MACROD2: variants seen among roughly 807,000 people sequenced by gnomAD.
The protein encoded by MACROD2 is ADP-ribose glycohydrolase MACROD2.
In MACROD2, 36 loss-of-function variants were observed where a neutral mutation model predicts 70.4. That is an observed-to-expected ratio of 0.51 (90% CI 0.39 to 0.68). The LOEUF (loss-of-function observed/expected upper bound fraction) is 0.68, where lower values mean the gene tolerates loss of function less well. Among genes scored for constraint, MACROD2 ranks in the 30% least tolerant of loss-of-function variants. The probability of loss-of-function intolerance (pLI) is 0.00; values close to 1 mark genes in which losing one functional copy is unlikely to be tolerated. For missense variants in MACROD2, 496 were observed against 538.4 expected (o/e 0.92, Z 0.78); for synonymous variants, 172 against 178.8 (o/e 0.96, Z 0.30).
intron 10 of MACROD2, among the ~76,000 whole-genome samples, chr20:15,909,798 T>G (rs944241400): frequency 6.6e-6 from 1 of 151,996 alleles, no homozygotes; most frequent in Non-Finnish European, 1.5e-5. Context: ...GCTGGGATTA[T>G]AGGCGTGAGC....
At chr20:15,155,402 G>C (rs753898571) in intron 5 of MACROD2, among the ~76,000 whole-genome samples, 2 of 152,126 alleles carry the variant, frequency 1.3e-5, no homozygotes, top group Non-Finnish European at 2.9e-5. Flanking sequence ...CCACAGGCTT[G>C]GAGCATCCCT....
intron 3 of MACROD2, among the ~76,000 whole-genome samples, chr20:14,260,247 G>C (rs1055381147): frequency 2.6e-5 from 4 of 152,150 alleles, no homozygotes; most frequent in African/African-American, 9.7e-5. Flanking sequence ...ACATTTATTT[G>C]TGTATAGTGA....
intron 3 of MACROD2, among the ~76,000 whole-genome samples, chr20:14,310,107 A>G (rs902373138): frequency 2.0e-5 from 3 of 152,164 alleles, no homozygotes; most frequent in African/African-American, 2.4e-5. Flanking sequence ...TACTCAAACT[A>G]TAATTTGTTT....
chr20:15,124,687 T>A (rs1350201814), intron 5 of MACROD2, among the ~76,000 whole-genome samples: 2 of 152,252 alleles, frequency 1.3e-5, no homozygotes, highest in South Asian at 2.1e-4. Flanking sequence ...TTATAGCATA[T>A]GTTTTTATTT....
At chr20:15,347,903 C>A (rs538858737) in intron 6 of MACROD2, among the ~76,000 whole-genome samples, 1 of 152,136 alleles carries the variant, frequency 6.6e-6, no homozygotes. Flanking sequence ...GAATATACAA[C>A]ATATAGATTC....
chr20:15,285,192 T>G (rs1213873750), intron 6 of MACROD2, among the ~76,000 whole-genome samples: 2 of 152,172 alleles, frequency 1.3e-5, no homozygotes, highest in African/African-American at 4.8e-5. Context: ...TTCCTTTGGT[T>G]TAGATATTTT....
chr20:15,440,147 AC>A (rs2046477308), intron 7 of MACROD2, among the ~76,000 whole-genome samples: 1 of 151,866 alleles, frequency 6.6e-6, no homozygotes, highest in Non-Finnish European at 1.5e-5. Flanking sequence ...ACAGAAATCG[AC>A]TCCTGGCTGA....
intron 5 of MACROD2, among the ~76,000 whole-genome samples, chr20:15,167,957 A>T (rs927952719): frequency 2.6e-5 from 4 of 152,210 alleles, no homozygotes; most frequent in Non-Finnish European, 5.9e-5. Context: ...GGAATATGTA[A>T]AATTAGATAC....
chr20:15,298,271 G>A lies in MACROD2; in HGVS notation c.540+68210G>A, dbSNP rs186510310. ...GATCCTATGAGATAATGCATGTAAAGTGTATCTCCCTGGGCCTTGGGTTGT... is the reference window on the plus strand; with the variant it reads ...GATCCTATGAGATAATGCATGTAAAATGTATCTCCCTGGGCCTTGGGTTGT... On this transcript the variant is annotated intron_variant, in intron 6 of 17. Transcript: ENST00000684519. Among the ~76,000 whole-genome samples, 11 of 152,360 alleles carry A rather than the reference G, an allele frequency of 7.2e-5. No homozygotes were observed. In the East Asian group the frequency reaches 2.1e-3, roughly 29 times the overall value.
At chr20:15,344,456 T>C (rs2078142720) in intron 6 of MACROD2, among the ~76,000 whole-genome samples, 1 of 152,182 alleles carries the variant, frequency 6.6e-6, no homozygotes, top group Non-Finnish European at 1.5e-5. Flanking sequence ...ACTATGATTG[T>C]TAAAAGATGT....
chr20:14,888,578 T>C (rs2073710619), intron 5 of MACROD2: 2 of 152,182 alleles, frequency 1.3e-5, no homozygotes, highest in South Asian at 4.1e-4. Flanking sequence ...CAGAGGGACA[T>C]GCAACCCAAT....
At chr20:14,523,266 A>AG (rs1044999449) in intron 4 of MACROD2, 5 of 152,196 alleles carry the variant, frequency 3.3e-5, no homozygotes, top group African/African-American at 1.2e-4. Context: ...CAGCAGACAG[A>AG]GGGGCCCTGG....
intron 3 of MACROD2, among the ~76,000 whole-genome samples, chr20:14,170,659 A>G (rs2081212327): frequency 6.6e-6 from 1 of 152,086 alleles, no homozygotes; most frequent in Non-Finnish European, 1.5e-5. Context: ...ATTGAGTTGC[A>G]TATGTTAAAC....
intron 5 of MACROD2, among the ~76,000 whole-genome samples, chr20:14,838,582 A>T (rs549808505): frequency 6.6e-6 from 1 of 152,264 alleles, no homozygotes; most frequent in East Asian, 1.9e-4. Context: ...ATGCAGATTA[A>T]ATAGCATAAA....
chr20:15,948,001 T>G (rs1380595159), intron 12 of MACROD2, among the ~76,000 whole-genome samples: 1 of 152,026 alleles, frequency 6.6e-6, no homozygotes, highest in East Asian at 1.9e-4. Flanking sequence ...ATGCCCCAAT[T>G]CAGCAGGAAG....
At chr20:15,421,250 CACCTGT>C (rs2046223764) in intron 6 of MACROD2, among the ~76,000 whole-genome samples, 1 of 151,998 alleles carries the variant, frequency 6.6e-6, no homozygotes, top group Non-Finnish European at 1.5e-5. Flanking sequence ...TGGTGGCATG[CACCTGT>C]AGTCCCAGCT....
At chr20:15,042,374 G>A (rs2075362865) in intron 5 of MACROD2, among the ~76,000 whole-genome samples, 1 of 152,192 alleles carries the variant, frequency 6.6e-6, no homozygotes, top group African/African-American at 2.4e-5. Context: ...AATGGTACAT[G>A]TTCTCATCTG....
rs141038587 is a variant in MACROD2, at chr20:15,469,122, T to G, written c.572-30652T>G. Reference sequence around the variant, plus strand: ...GCATTCAACACTGACATACGTTCTGTGAGGAATTAAGAAATTAAAAAGAAG... The same window carrying G: ...GCATTCAACACTGACATACGTTCTGGGAGGAATTAAGAAATTAAAAAGAAG... On this transcript the variant is annotated intron_variant, in intron 7 of 17. Transcript: ENST00000684519. Among the ~76,000 whole-genome samples the G allele has an allele frequency of 6.1e-3, 922 of 152,264 alleles. 2 individuals carry two copies. Among genetic ancestry groups the G allele is most frequent in the Middle Eastern group, 0.048 (14 of 294 alleles).
At chr20:15,488,913 C>G (rs568249187) in intron 7 of MACROD2, among the ~76,000 whole-genome samples, 2 of 152,144 alleles carry the variant, frequency 1.3e-5, no homozygotes, top group South Asian at 4.1e-4. Context: ...ATTTGTTTCA[C>G]GAACCATTTC....
Sources: allele counts gnomAD v4.1 joint callset (sites outside exome capture counted in the v4.1 genomes callset), GRCh38; gene constraint gnomAD v4.1.1; transcripts MANE v1.5; gene names NCBI Gene and HGNC (gene_info 2026-07-23, HGNC 2026-07-21).